Variants in TNPO3 observed in about 807,000 individuals in gnomAD.
TNPO3 encodes transportin-3.
Under a neutral mutation model 122.8 loss-of-function variants are expected in TNPO3, and 65 were observed. The ratio of observed to expected loss-of-function variants is 0.53; its 90% CI spans 0.43 to 0.65. The LOEUF (loss-of-function observed/expected upper bound fraction) is 0.65. Among genes scored for constraint, TNPO3 ranks in the 30% least tolerant of loss-of-function variants. The pLI is 0.00. For synonymous variants in TNPO3, 372 were observed against 411.2 expected (o/e 0.90, Z 1.15); for missense variants, 850 against 1,136.7 (o/e 0.75, Z 3.63).
At chr7:129,004,452 T>C (rs527646299) in intron 5 of TNPO3, among the ~76,000 whole-genome samples, 1 of 152,226 alleles carries the variant, frequency 6.6e-6, no homozygotes, top group African/African-American at 2.4e-5. Flanking sequence ...TACTAGGCAC[T>C]GCTACTTTCA....
intron 21 of TNPO3, among the ~76,000 whole-genome samples, chr7:128,957,979 G>GT (rs1353095990): frequency 3.3e-5 from 5 of 152,054 alleles, no homozygotes; most frequent in Non-Finnish European, 7.4e-5. Context: ...AACTGACCCT[G>GT]TTTTTTCAAA....
At chr7:128,972,690 G>A in intron 18 of TNPO3, 108 bp from the exon 19 acceptor site, 1 of 968,628 alleles carries the variant, frequency 1.0e-6, no homozygotes, top group East Asian at 2.6e-5. Context: ...GTGGTTGGTG[G>A]GGGGTTTCAG....
In TNPO3 at chr7:128,970,393, T is replaced by C. The variant is rs149951465; in HGVS notation, c.2431-78A>G. 188 of 1,391,442 alleles carry C rather than the reference T, an allele frequency of 1.4e-4. 1 individual carries two copies. In the East Asian group the frequency reaches 4.2e-3, roughly 31 times the overall value. The allele number at this position is 1,391,442 out of a possible 1,614,324, so 86.2% of individuals were successfully genotyped here. A position where few individuals can be genotyped will look rare whatever the true frequency, so the allele number is the denominator to read the frequency against. On this transcript the variant is annotated intron_variant, in intron 19 of 22. Coordinates refer to ENST00000265388, the MANE Select transcript of TNPO3 (RefSeq NM_012470.4). Reference sequence around the variant, plus strand: ...AGACCAAGCACTCTTTCCCCTTTAGTAATTTCTCTTTAATAGGAAAGTGTG... The same window carrying C: ...AGACCAAGCACTCTTTCCCCTTTAGCAATTTCTCTTTAATAGGAAAGTGTG...
intron 18 of TNPO3, 67 bp downstream of exon 18, chr7:128,974,801 G>T: frequency 7.7e-7 from 1 of 1,293,806 alleles, no homozygotes; most frequent in Non-Finnish European, 1.1e-6. Context: ...ACAACCAAGG[G>T]TCAGATGGCA....
At chr7:128,997,329 C>T (rs1345052558) in intron 8 of TNPO3, 60 bp downstream of exon 8, 2 of 1,580,672 alleles carry the variant, frequency 1.3e-6, no homozygotes, top group African/African-American at 2.7e-5. Flanking sequence ...AGTTCCTTTT[C>T]AAGTTGGCAC....
rs1799921923 is a variant in TNPO3, at chr7:128,984,244, A to G, written c.1706T>C (p.Leu569Pro). 1 of 1,612,096 alleles carries G rather than the reference A, an allele frequency of 6.2e-7. No individual in the cohort carries two copies. Among genetic ancestry groups the G allele is most frequent in the African/African-American group, 1.3e-5 (1 of 74,860 alleles). Residue 569 changes from leucine to proline, a missense_variant, in exon 13 of 23, where the codon CTA becomes CCA. By Grantham distance (98) the Leu-to-Pro change is moderately conservative. Coordinates refer to ENST00000265388, the MANE Select transcript of TNPO3 (RefSeq NM_012470.4). ...VGLLKGTALV[L>P]ARLPLDKITE... ...AATCTTATCCAAAGGTAATCGGGCTAGGACAAGTGCTGTCCCTGAAAAACA... is the reference window on the plus strand; with the variant it reads ...AATCTTATCCAAAGGTAATCGGGCTGGGACAAGTGCTGTCCCTGAAAAACA...
intron 21 of TNPO3, among the ~76,000 whole-genome samples, chr7:128,966,085 T>C (rs769718822): frequency 1.3e-5 from 2 of 152,252 alleles, no homozygotes; most frequent in African/African-American, 2.4e-5. Context: ...ATGTTATGTG[T>C]ATTTTTATAA....
chr7:128,982,426 C>T (rs1799721055), intron 13 of TNPO3, 102 bp from the exon 14 acceptor site: 1 of 1,020,408 alleles, frequency 9.8e-7, no homozygotes, highest in Non-Finnish European at 1.5e-6. Context: ...TGCTTATTTC[C>T]TTATATAAAG....
chr7:128,977,053 T>C (rs566052973), intron 16 of TNPO3, among the ~76,000 whole-genome samples: 2 of 152,302 alleles, frequency 1.3e-5, no homozygotes, highest in South Asian at 2.1e-4. Context: ...ATTATGGCTA[T>C]AGCTCAGTAA....
At chr7:128,998,855 A>T (rs1031336385) in intron 7 of TNPO3, among the ~76,000 whole-genome samples, 2 of 149,590 alleles carry the variant, frequency 1.3e-5, no homozygotes, top group African/African-American at 4.9e-5. Context: ...TTTTATTTTT[A>T]TTTATTTATT....
intron 1 of TNPO3, among the ~76,000 whole-genome samples, chr7:129,033,744 C>G (rs992853082): frequency 6.6e-6 from 1 of 151,964 alleles, no homozygotes; most frequent in Non-Finnish European, 1.5e-5. Flanking sequence ...AAAACCCCAT[C>G]TCTACTAAAA....
intron 7 of TNPO3, among the ~76,000 whole-genome samples, chr7:128,997,793 T>C (rs1040916461): frequency 6.6e-6 from 1 of 152,158 alleles, no homozygotes; most frequent in Non-Finnish European, 1.5e-5. Flanking sequence ...AAAAGTATAC[T>C]GAATTTTGAA....
Position 128,984,249 on chromosome 7 carries a change from A to C in TNPO3, c.1701T>G (p.Leu567=). 2 of 1,609,684 alleles carry C rather than the reference A, an allele frequency of 1.2e-6. No individual in the cohort carries two copies. Among genetic ancestry groups the C allele is most frequent in the Non-Finnish European group, 1.7e-6 (2 of 1,178,122 alleles). The change falls in exon 13 of 23, where the codon CTT becomes CTG. Residue 567 remains leucine (L), a synonymous_variant. Coordinates refer to ENST00000265388, the MANE Select transcript of TNPO3 (RefSeq NM_012470.4). ...AAVGLLKGTA[L]VLARLPLDKI... ...TATCCAAAGGTAATCGGGCTAGGAC[A>C]AGTGCTGTCCCTGAAAAACAAAGGA...
intron 4 of TNPO3, among the ~76,000 whole-genome samples, chr7:129,009,595 C>T (rs890270436): frequency 2.6e-5 from 4 of 152,220 alleles, no homozygotes; most frequent in East Asian, 3.8e-4. Context: ...AAGTCAGGCA[C>T]GTGCCTTGAA....
rs567069998 is a variant in TNPO3, at chr7:129,014,008, G to A, written c.552+971C>T. ...GGACGACCAAGAAAGGTTGATTAAC[G>A]GGTACACAAATACAGCTGAATAGAA... On this transcript the variant is annotated intron_variant, in intron 4 of 22. Coordinates refer to ENST00000265388, the MANE Select transcript of TNPO3 (RefSeq NM_012470.4). Among the ~76,000 whole-genome samples, 133 of 152,224 alleles carry A rather than the reference G, an allele frequency of 8.7e-4. 1 individual carries two copies. Among genetic ancestry groups the A allele is most frequent in the Admixed American group, 1.0e-3 (16 of 15,262 alleles).
At chr7:129,002,642 G>T (rs1230198044) in intron 5 of TNPO3, among the ~76,000 whole-genome samples, 1 of 152,166 alleles carries the variant, frequency 6.6e-6, no homozygotes, top group South Asian at 2.1e-4. Flanking sequence ...GTTCGAGCTG[G>T]GCATGGTGGC....
At position 128,967,635 on chromosome 7, in the gene TNPO3, C is replaced by T. The variant is rs557799854; in HGVS notation, c.2599-243G>A. ...GGGCAGCGGGCATCATTTCAGAAAA[C>T]GACTTTCTACACCTTAGAAGTGAAG... On this transcript the variant is annotated intron_variant, in intron 20 of 22. Transcript: ENST00000265388. Among the ~76,000 whole-genome samples the T allele has an allele frequency of 3.9e-5, 6 of 152,296 alleles. No individual in the cohort carries two copies. The South Asian group carries it at 8.3e-4, about 21-fold the overall frequency.
In TNPO3 at chr7:128,955,054, G is replaced by C. The variant is rs1796772304; in HGVS notation, c.*363C>G. The C allele has an allele frequency of 9.5e-6, 3 of 315,652 alleles. No homozygotes were observed. The highest frequency in any genetic ancestry group is 5.0e-5 in the South Asian group (2 of 40,314). 19.6% of individuals were successfully genotyped at this position (315,652 alleles called of 1,614,324 possible). On this transcript the variant is annotated 3_prime_UTR_variant, in exon 23 of 23. Transcript: ENST00000265388. ...GTGCATGTGTCATTTGCTACCAGGTGAATGTTTCAGTTCTGGTTTCTGTTT... is the reference window on the plus strand; with the variant it reads ...GTGCATGTGTCATTTGCTACCAGGTCAATGTTTCAGTTCTGGTTTCTGTTT...
chr7:129,013,922 A>G (rs555869905), intron 4 of TNPO3, among the ~76,000 whole-genome samples: 2 of 152,292 alleles, frequency 1.3e-5, no homozygotes, highest in Non-Finnish European at 2.9e-5. Context: ...AAAAAAATGG[A>G]TCTCATAGAG....
Sources: gnomAD v4.1 joint callset for allele counts (sites outside exome capture counted in the v4.1 genomes callset) on GRCh38, gnomAD v4.1.1 for gene constraint, MANE v1.5 for transcripts, NCBI Gene and HGNC (gene_info 2026-07-23, HGNC 2026-07-21) for gene names.